The following DOCK7 variants were observed in gnomAD, a reference collection of about 807,000 sequenced individuals.
The protein encoded by DOCK7 is dedicator of cytokinesis protein 7.
A neutral mutation model predicts 271.0 loss-of-function variants in DOCK7; 138 were observed. The ratio of observed to expected loss-of-function variants is 0.51; its 90% CI spans 0.44 to 0.59. DOCK7 has a LOEUF of 0.59. DOCK7 is among the 20% of genes least tolerant of loss of function. The pLI, the probability that DOCK7 is intolerant of heterozygous loss-of-function variation, is 0.00. For missense variants in DOCK7, 2,066 were observed against 2,592.4 expected, an observed-to-expected ratio of 0.80 and a Z score of 4.41; for synonymous variants, 823 against 876.1, an observed-to-expected ratio of 0.94 and a Z score of 1.07.
At chr1:62,514,450 C>G (rs1644598217) in intron 31 of DOCK7, among the ~76,000 whole-genome samples, 1 of 151,966 alleles carries the variant, frequency 6.6e-6, no homozygotes, top group Non-Finnish European at 1.5e-5. Flanking sequence ...TATTTTCAAT[C>G]ATCAATCTAT....
chr1:62,543,856 A>G, intron 23 of DOCK7, 111 bp from the exon 24 acceptor site: 1 of 676,126 alleles, frequency 1.5e-6, no homozygotes, highest in African/African-American at 1.8e-5. Context: ...TATGGTTTCA[A>G]AAACCATCTA....
In DOCK7 at chr1:62,596,169, T is replaced by C. The variant is rs35123493; in HGVS notation, c.1683-9545A>G. Among the ~76,000 whole-genome samples, 13 of 151,380 alleles carry C rather than the reference T, an allele frequency of 8.6e-5. No individual in the cohort carries two copies. The East Asian group carries it at 2.5e-3, about 29-fold the overall frequency. ...GTTTGCCCAGCACTGTTCTAAGTGC[T>C]CTACATGTATTATTGTTAAATTATC... On this transcript the variant is annotated intron_variant, in intron 14 of 49. Transcript: ENST00000635253.
At chr1:62,672,369 CT>C (rs1458389292) in intron 1 of DOCK7, among the ~76,000 whole-genome samples, 1 of 152,056 alleles carries the variant, frequency 6.6e-6, no homozygotes, top group African/African-American at 2.4e-5. Flanking sequence ...CAAAGTGTTA[CT>C]TTTGTTATAC....
intron 43 of DOCK7, chr1:62,484,228 C>G (rs1371114345): frequency 6.6e-6 from 1 of 151,952 alleles, no homozygotes; most frequent in Non-Finnish European, 1.5e-5. Context: ...CAATTTGCAT[C>G]TGTCAATCTC....
chr1:62,598,740 G>C, intron 14 of DOCK7: 1 of 1,611,478 alleles, frequency 6.2e-7, no homozygotes, highest in Non-Finnish European at 8.5e-7. Context: ...ACCTTCTCCA[G>C]ACCGTGGAAG....
chr1:62,498,649 A>AC (rs398073985), intron 37 of DOCK7, among the ~76,000 whole-genome samples: 2 of 151,538 alleles, frequency 1.3e-5, no homozygotes, highest in Non-Finnish European at 1.5e-5. Context: ...GAAAAAAAAA[A>AC]ACAAAAAACT....
rs747830413 is a variant in DOCK7 at position 62,555,918 on chromosome 1, T to C, written c.2503A>G (p.Asn835Asp). ...CTGTTTCTGCCATGCTGGTCATGAT[T>C]TCCTTCCAAGTTTTTGTGAAGTCGA... ...INRLHKNLEG[N>D]HDQHGRNSLL... The change falls in exon 21 of 50, where the codon AAT (asparagine) becomes GAT (aspartate). Residue 835 changes from asparagine to aspartate, a missense_variant. Coordinates refer to ENST00000635253, the MANE Select transcript of DOCK7 (RefSeq NM_001367561.1). 3.1e-6 allele frequency: 5 copies of C among 1,613,832 alleles called. No homozygotes were observed. The Middle Eastern group carries it at 6.6e-4, about 212-fold the overall frequency.
At chr1:62,477,951 A>G (rs2149263167) in intron 43 of DOCK7, 126 bp from the exon 44 acceptor site, 3 of 1,088,998 alleles carry the variant, frequency 2.8e-6, no homozygotes, top group Non-Finnish European at 3.7e-6. Flanking sequence ...ATTCAAAATT[A>G]TAATATTTTA....
At chr1:62,488,701 G>GAAA (rs57650980) in intron 42 of DOCK7, 37 of 454,706 alleles carry the variant, frequency 8.1e-5, no homozygotes, top group South Asian at 1.2e-4. Context: ...ATTCAAAAAT[G>GAAA]AAAAAAAAAA....
chr1:62,531,226 A>G (rs1301761966), intron 29 of DOCK7, among the ~76,000 whole-genome samples: 1 of 152,322 alleles, frequency 6.6e-6, no homozygotes, highest in East Asian at 1.9e-4. Flanking sequence ...ATGTTTGCCA[A>G]AGGTATGCCT....
chr1:62,494,357 A>G lies in DOCK7; in HGVS notation c.5135T>C (p.Val1712Ala). ...SNHAEAAQCL[V>A]HSAALVAEYL... is the part of the protein sequence containing the mutation. Reference sequence around the variant, plus strand: ...TTCAGCAACAAGTGCTGCTGAGTGGACTAGACACTGTGCAGCTTCAGCATG... The same window carrying G: ...TTCAGCAACAAGTGCTGCTGAGTGGGCTAGACACTGTGCAGCTTCAGCATG... The change falls in exon 40 of 50, where the codon GTC becomes GCC. Residue 1712 changes from valine (V) to alanine (A), a missense_variant. Val to Ala is a moderately conservative substitution (Grantham distance 64). This residue lies in a region of DOCK7 where 652 missense variants were observed against 922.1 expected (regional missense o/e 0.71). Transcript: ENST00000635253. 1 of 1,613,576 alleles carries G rather than the reference A, an allele frequency of 6.2e-7. No individual in the cohort carries two copies.
At chr1:62,586,799 T>C (rs1300892754) in intron 14 of DOCK7, among the ~76,000 whole-genome samples, 175 bp from the exon 15 acceptor site, 2 of 152,158 alleles carry the variant, frequency 1.3e-5, no homozygotes, top group Non-Finnish European at 2.9e-5. Context: ...ATCATTCAAA[T>C]ACACAGCAAT....
chr1:62,494,504 C>G (rs1470595366), intron 39 of DOCK7, 37 bp from the exon 40 acceptor site: 1 of 1,559,962 alleles, frequency 6.4e-7, no homozygotes, highest in South Asian at 1.2e-5. Context: ...TTAGTATGTG[C>G]TTCCCAAGCT....
intron 27 of DOCK7, among the ~76,000 whole-genome samples, chr1:62,538,507 C>G (rs1046251231): frequency 2.0e-5 from 3 of 152,106 alleles, no homozygotes; most frequent in African/African-American, 7.2e-5. Flanking sequence ...GCTTTAGTGT[C>G]CCTACAGCTT....
chr1:62,545,585 G>C (rs1055530503), intron 22 of DOCK7, among the ~76,000 whole-genome samples: 2 of 151,988 alleles, frequency 1.3e-5, no homozygotes, highest in South Asian at 4.1e-4. Context: ...AGAAAAAAAT[G>C]ATACCTAATA....
At chr1:62,638,548 T>A (rs1205509680) in intron 7 of DOCK7, among the ~76,000 whole-genome samples, 1 of 149,038 alleles carries the variant, frequency 6.7e-6, no homozygotes, top group African/African-American at 2.4e-5. Context: ...TTTTCATGAA[T>A]ATATATATTT....
chr1:62,674,239 G>A (rs1358441275), intron 1 of DOCK7, among the ~76,000 whole-genome samples: 1 of 151,882 alleles, frequency 6.6e-6, no homozygotes, highest in Non-Finnish European at 1.5e-5. Context: ...TAACAAAAGA[G>A]GTACAAGACC....
intron 1 of DOCK7, among the ~76,000 whole-genome samples, chr1:62,664,837 C>T (rs1278697210): frequency 8.0e-5 from 12 of 150,026 alleles, no homozygotes; most frequent in Non-Finnish European, 1.8e-4. Flanking sequence ...CACCAAAGCA[C>T]CAAGAAAACA....
chr1:62,548,580 C>T (rs1295217034), intron 22 of DOCK7, among the ~76,000 whole-genome samples: 2 of 152,066 alleles, frequency 1.3e-5, no homozygotes, highest in Non-Finnish European at 2.9e-5. Context: ...ACCACCACAC[C>T]CAGCTAATTT....
Sources: allele counts gnomAD v4.1 joint callset (sites outside exome capture counted in the v4.1 genomes callset), GRCh38; gene constraint gnomAD v4.1.1; regional missense constraint gnomAD v4.1.1; transcripts MANE v1.5; gene names NCBI Gene and HGNC (gene_info 2026-07-23, HGNC 2026-07-21).